The following ARAP2 variants were observed in gnomAD, a reference collection of about 807,000 sequenced individuals.
ARAP2 encodes ArfGAP with RhoGAP domain, ankyrin repeat and PH domain 2.
A neutral mutation model predicts 194.5 loss-of-function variants in ARAP2; 148 were observed. The ratio of observed to expected loss-of-function variants is 0.76; its 90% CI spans 0.67 to 0.87. The LOEUF (loss-of-function observed/expected upper bound fraction) is 0.87, where lower values mean the gene tolerates loss of function less well. Ranked by LOEUF, ARAP2 falls within the 40% of genes least tolerant of loss-of-function variation. ARAP2 has a pLI of 0.00. For missense variants in ARAP2, 2,128 were observed against 1,989.7 expected (o/e 1.07, Z -1.32); for synonymous variants, 695 against 683.5 (o/e 1.02, Z -0.26).
At chr4:36,101,209 AG>A (rs1291075211) in intron 27 of ARAP2, among the ~76,000 whole-genome samples, 8 of 151,956 alleles carry the variant, frequency 5.3e-5, no homozygotes, top group Non-Finnish European at 7.4e-5. Flanking sequence ...AGCAGGTGGC[AG>A]GGGGGAGACG....
intron 5 of ARAP2, 143 bp downstream of exon 5, chr4:36,212,253 T>C (rs186825078): frequency 2.6e-5 from 15 of 566,122 alleles, no homozygotes; most frequent in Middle Eastern, 4.9e-4. Context: ...GGTGCTGCTA[T>C]GCTTACATTT....
intron 29 of ARAP2, 101 bp from the exon 30 acceptor site, chr4:36,082,387 G>C: frequency 8.5e-7 from 1 of 1,177,952 alleles, no homozygotes; most frequent in Non-Finnish European, 1.2e-6. Flanking sequence ...TTAATGGTGG[G>C]AATGCATAGA....
chr4:36,019,940 A>G (rs557018169), intron 5 of ARAP2, among the ~76,000 whole-genome samples: 1 of 152,182 alleles, frequency 6.6e-6, no homozygotes, highest in Non-Finnish European at 1.5e-5. Context: ...GCTGAACCCT[A>G]TATATACTAT....
Position 36,150,895 on chromosome 4 carries a change from C to T in ARAP2, c.2897+5G>A. 1.2e-6 allele frequency: 2 copies of T among 1,609,954 alleles called. No individual in the cohort carries two copies. The highest frequency in any genetic ancestry group is 1.7e-6 in the Non-Finnish European group (2 of 1,178,534). ...TACCTCCTAATTGTGTAATGACAGA[C>T]CTACCCAGTATTTAAATAGAAGTCC... On this transcript the variant is annotated splice_donor_5th_base_variant and intron_variant, in intron 16 of 32. Transcript: ENST00000303965.
At chr4:36,162,996 C>T (rs1734449244) in intron 11 of ARAP2, among the ~76,000 whole-genome samples, 1 of 152,054 alleles carries the variant, frequency 6.6e-6, no homozygotes, top group Non-Finnish European at 1.5e-5. Context: ...ATGAAATGGG[C>T]TGAGGGGAAC....
intron 2 of ARAP2, among the ~76,000 whole-genome samples, chr4:36,220,876 GTTAAT>G (rs1457558773): frequency 6.6e-6 from 1 of 151,954 alleles, no homozygotes; most frequent in East Asian, 1.9e-4. Flanking sequence ...ATAAGCTAGG[GTTAAT>G]TTATCATTGA....
chr4:36,113,734 C>T (rs1365047202), intron 26 of ARAP2, among the ~76,000 whole-genome samples: 1 of 151,310 alleles, frequency 6.6e-6, no homozygotes, highest in Non-Finnish European at 1.5e-5. Context: ...TGAAAGACAA[C>T]AAAATATGTG....
intron 5 of ARAP2, among the ~76,000 whole-genome samples, chr4:36,024,069 G>A (rs920812012): frequency 1.3e-5 from 2 of 152,044 alleles, no homozygotes; most frequent in African/African-American, 4.8e-5. Flanking sequence ...ACTTGTACTT[G>A]GATACCTGCA....
intron 9 of ARAP2, among the ~76,000 whole-genome samples, chr4:36,173,000 G>C (rs1026077412): frequency 2.0e-5 from 3 of 152,040 alleles, no homozygotes; most frequent in Admixed American, 6.6e-5. Flanking sequence ...CATTATGTTG[G>C]GGGGGAATGA....
downstream of ARAP2, among the ~76,000 whole-genome samples, chr4:36,064,271 G>A (rs1290763312): frequency 1.3e-5 from 2 of 149,572 alleles, no homozygotes; most frequent in Non-Finnish European, 3.0e-5. Context: ...CCTCAGGTCT[G>A]CACTGGTTGT....
At chr4:36,127,784 TGTC>T in intron 21 of ARAP2, among the ~76,000 whole-genome samples, 1 of 151,928 alleles carries the variant, frequency 6.6e-6, no homozygotes, top group South Asian at 2.1e-4. Flanking sequence ...AAAATAAAAA[TGTC>T]ATATACATAA....
At chr4:36,179,808 C>A (rs1462610748) in intron 8 of ARAP2, among the ~76,000 whole-genome samples, 1 of 152,224 alleles carries the variant, frequency 6.6e-6, no homozygotes, top group Non-Finnish European at 1.5e-5. Flanking sequence ...CATATTCAAA[C>A]TTGAATCCAA....
In ARAP2 at chr4:36,067,014, G is replaced by A. The variant is rs992539674; in HGVS notation, c.*893C>T. 5 of 152,086 alleles carry A rather than the reference G, an allele frequency of 3.3e-5. No individual in the cohort carries two copies. Among genetic ancestry groups the A allele is most frequent in the Non-Finnish European group, 5.9e-5 (4 of 68,020 alleles). The allele number at this position is 152,086 out of a possible 1,614,324, so 9.4% of individuals were successfully genotyped here. On this transcript the variant is annotated 3_prime_UTR_variant, in exon 33 of 33. Transcript: ENST00000303965. ...GTGATGAATTTTGTTCGTACCAAAAGTATAGTCAGAAATTCTGAAAAAAGA... is the reference window on the plus strand; with the variant it reads ...GTGATGAATTTTGTTCGTACCAAAAATATAGTCAGAAATTCTGAAAAAAGA...
At chr4:36,104,895 T>C (rs986921189) in intron 27 of ARAP2, among the ~76,000 whole-genome samples, 2 of 152,026 alleles carry the variant, frequency 1.3e-5, no homozygotes, top group African/African-American at 4.8e-5. Flanking sequence ...AAATCACTAT[T>C]TTTTTCATGC....
intron 31 of ARAP2, among the ~76,000 whole-genome samples, chr4:36,079,173 CAAAAAAAAAAA>C: frequency 1.3e-5 from 1 of 77,612 alleles, no homozygotes; most frequent in East Asian, 4.0e-4. Flanking sequence ...GACTCTGTCT[CAAAAAAAAAAA>C]AAAAAAAAAA....
chr4:36,220,943 A>G (rs552739886), intron 2 of ARAP2, among the ~76,000 whole-genome samples: 6 of 152,220 alleles, frequency 3.9e-5, no homozygotes, highest in African/African-American at 1.4e-4. Context: ...CAGGGTCTAT[A>G]ACGTCTACAG....
chr4:36,044,934 T>C (rs1186560925), intron 5 of ARAP2, among the ~76,000 whole-genome samples: 1 of 150,620 alleles, frequency 6.6e-6, no homozygotes, highest in East Asian at 1.9e-4. Flanking sequence ...TGGCGAACAA[T>C]AATATTAAAA....
intron 7 of ARAP2, among the ~76,000 whole-genome samples, chr4:36,189,446 T>G (rs4490479): frequency 0.024 from 3,729 of 152,218 alleles, 140 homozygotes; most frequent in African/African-American, 0.083. Flanking sequence ...TATTTGAAAC[T>G]ATATTAAATT....
chr4:36,032,814 T>C (rs1037645548), intron 5 of ARAP2, among the ~76,000 whole-genome samples: 3 of 152,212 alleles, frequency 2.0e-5, no homozygotes, highest in African/African-American at 4.8e-5. Flanking sequence ...TTTCTGATCC[T>C]TGCCCTCCTC....
Sources: gnomAD v4.1 joint callset for allele counts (sites outside exome capture counted in the v4.1 genomes callset) on GRCh38, gnomAD v4.1.1 for gene constraint, MANE v1.5 for transcripts, NCBI Gene and HGNC (gene_info 2026-07-23, HGNC 2026-07-21) for gene names.